The following SYNE2 variants were observed in gnomAD, a reference collection of about 807,000 sequenced individuals.
SYNE2 encodes nesprin-2.
In SYNE2, 431 loss-of-function variants were observed where a neutral mutation model predicts 856.3. The ratio of observed to expected loss-of-function variants is 0.50; its 90% confidence interval spans 0.47 to 0.55. SYNE2 has a LOEUF of 0.55. Ranked by LOEUF, SYNE2 falls within the 20% of genes least tolerant of loss-of-function variation. The pLI, the probability that SYNE2 is intolerant of heterozygous loss-of-function variation, is 0.00. For synonymous variants in SYNE2, 2,923 were observed against 2,872.3 expected, an observed-to-expected ratio of 1.02 and a Z score of -0.56; for missense variants, 8,129 against 8,023.2, an observed-to-expected ratio of 1.01 and a Z score of -0.50.
At chr14:63,820,941 G>C (rs1437289209) in intron 1 of SYNE2, among the ~76,000 whole-genome samples, 1 of 151,944 alleles carries the variant, frequency 6.6e-6, no homozygotes, top group Non-Finnish European at 1.5e-5. Context: ...AGTAGAGACG[G>C]GGTTTCACCA....
chr14:63,998,009 T>G (rs1218222459), intron 25 of SYNE2, among the ~76,000 whole-genome samples: 1 of 152,188 alleles, frequency 6.6e-6, no homozygotes, highest in Non-Finnish European at 1.5e-5. Context: ...AGTCTTCCTT[T>G]ACCATGCTGC....
chr14:64,214,078 A>G, intron 105 of SYNE2, 116 bp from the exon 106 acceptor site: 3 of 1,497,200 alleles, frequency 2.0e-6, no homozygotes, highest in Non-Finnish European at 2.7e-6. Flanking sequence ...AAGCTGCCTT[A>G]GAAATACTAT....
chr14:63,793,802 G>T (rs1304373756), intron 1 of SYNE2, among the ~76,000 whole-genome samples: 1 of 151,876 alleles, frequency 6.6e-6, no homozygotes, highest in African/African-American at 2.4e-5. Flanking sequence ...GGCAGGCATG[G>T]TGGCACATGC....
At chr14:64,149,766 TA>T (rs1230810720) in intron 84 of SYNE2, among the ~76,000 whole-genome samples, 1 of 152,158 alleles carries the variant, frequency 6.6e-6, no homozygotes, top group African/African-American at 2.4e-5. Context: ...AGCAAAAGAT[TA>T]TTTTTAATTC....
intron 1 of SYNE2, among the ~76,000 whole-genome samples, chr14:63,901,837 T>A (rs1036983665): frequency 6.6e-6 from 1 of 152,162 alleles, no homozygotes; most frequent in South Asian, 2.1e-4. Flanking sequence ...GGTGGGAGGA[T>A]GACTTGAGCC....
At chr14:64,009,583 G>A (rs536745933) in intron 31 of SYNE2, among the ~76,000 whole-genome samples, 1 of 150,294 alleles carries the variant, frequency 6.7e-6, no homozygotes, top group South Asian at 2.1e-4. Context: ...TAAACACCCT[G>A]TGACTTGCTG....
At chr14:64,036,484 C>A (rs1169519465) in intron 45 of SYNE2, among the ~76,000 whole-genome samples, 1 of 152,034 alleles carries the variant, frequency 6.6e-6, no homozygotes, top group Non-Finnish European at 1.5e-5. Flanking sequence ...GGGGTTTCAC[C>A]ATGTTGCCCG....
chr14:63,799,833 T>C (rs542816234), intron 1 of SYNE2, among the ~76,000 whole-genome samples: 2 of 152,370 alleles, frequency 1.3e-5, no homozygotes, highest in Admixed American at 1.3e-4. Flanking sequence ...ACTTTTATAA[T>C]ATGAAAGTTA....
intron 112 of SYNE2, 125 bp downstream of exon 112, chr14:64,221,829 C>T (rs112706895): frequency 3.9e-5 from 45 of 1,142,586 alleles, no homozygotes; most frequent in African/African-American, 9.1e-5. Context: ...TGTAAATGCA[C>T]GAGTTCAGCC....
intron 84 of SYNE2, among the ~76,000 whole-genome samples, chr14:64,150,774 G>A (rs2098234934): frequency 6.6e-6 from 1 of 152,160 alleles, no homozygotes. Flanking sequence ...GATGAAAAAA[G>A]TTAAACCTAT....
rs373613471 is a variant in SYNE2 at position 64,026,671 on chromosome 14, C to G, written c.6345C>G (p.Thr2115=). The change falls in exon 42 of 116, where the codon ACC becomes ACG. Residue 2115 remains threonine, a synonymous_variant. Transcript: ENST00000555002. ...ESSEAPLVQK[T]LTDISNQWDN... The stretch of plus-strand genomic sequence containing the variant: ...GCGAGGCCCCGCTGGTTCAGAAGAC[C>G]CTCACTGACATCAGCAACCAGTGGG... 143 of 1,612,800 alleles carry G rather than the reference C, an allele frequency of 8.9e-5. No individual in the cohort carries two copies. The African/African-American group carries it at 1.8e-3, about 20-fold the overall frequency.
intron 6 of SYNE2, among the ~76,000 whole-genome samples, chr14:63,946,666 A>G (rs975788608): frequency 6.8e-6 from 1 of 148,058 alleles, no homozygotes; most frequent in Admixed American, 6.8e-5. Context: ...TATATATACT[A>G]TAATATAACA....
At chr14:64,153,173 A>G (rs1282103612) in intron 85 of SYNE2, among the ~76,000 whole-genome samples, 1 of 152,192 alleles carries the variant, frequency 6.6e-6, no homozygotes, top group East Asian at 1.9e-4. Flanking sequence ...TTTGGAAGAA[A>G]CACTACATGG....
At chr14:63,909,877 G>C (rs1042742951) in intron 2 of SYNE2, among the ~76,000 whole-genome samples, 2 of 152,148 alleles carry the variant, frequency 1.3e-5, no homozygotes, top group African/African-American at 4.8e-5. Context: ...TCCTTATTTT[G>C]TCCTGATAGG....
chr14:63,898,012 C>T (rs1022088577), intron 1 of SYNE2, among the ~76,000 whole-genome samples: 1 of 152,190 alleles, frequency 6.6e-6, no homozygotes, highest in Non-Finnish European at 1.5e-5. Flanking sequence ...GGAACTTTGT[C>T]TTATCATGAG....
chr14:63,926,951 G>A (rs2095674213), intron 2 of SYNE2, among the ~76,000 whole-genome samples: 1 of 152,208 alleles, frequency 6.6e-6, no homozygotes, highest in South Asian at 2.1e-4. Flanking sequence ...CTGGTGAAGT[G>A]AATAGGGGTG....
intron 87 of SYNE2, among the ~76,000 whole-genome samples, chr14:64,159,738 C>T (rs958750037): frequency 1.3e-5 from 2 of 152,150 alleles, no homozygotes; most frequent in African/African-American, 2.4e-5. Flanking sequence ...TCGGAAACAC[C>T]AAAGTCAGAG....
At chr14:63,990,301 C>T (rs972127380) in intron 19 of SYNE2, 110 bp from the exon 20 acceptor site, 2 of 1,051,072 alleles carry the variant, frequency 1.9e-6, no homozygotes, top group Non-Finnish European at 2.8e-6. Context: ...GCAAATTTGC[C>T]TGATTTTGGA....
intron 38 of SYNE2, chr14:64,023,701 ATTACT>A (rs145487834): frequency 0.03 from 5,380 of 180,984 alleles, 315 homozygotes; most frequent in African/African-American, 0.12. Context: ...TAGACTATCT[ATTACT>A]TTAATGTTTT....
Sources: gnomAD v4.1 joint callset for allele counts (sites outside exome capture counted in the v4.1 genomes callset) on GRCh38, gnomAD v4.1.1 for gene constraint, MANE v1.5 for transcripts, NCBI Gene and HGNC (gene_info 2026-07-23, HGNC 2026-07-21) for gene names.